Variants in ZNF568 observed in about 807,000 individuals in gnomAD.
ZNF568 encodes the protein p53 inhibitor of SCO2 activation.
Under a neutral mutation model 18.1 loss-of-function variants are expected in ZNF568, and 11 were observed. The observed-to-expected ratio is 0.61, with a 90% CI of 0.38 to 1.00. The LOEUF (loss-of-function observed/expected upper bound fraction) is 1.00, where lower values mean the gene tolerates loss of function less well. Among genes scored for constraint, ZNF568 ranks in the 50% least tolerant of loss-of-function variants. The pLI is 0.01. For missense variants in ZNF568, 639 were observed against 768.2 expected, an observed-to-expected ratio of 0.83 and a Z score of 1.99; for synonymous variants, 213 against 246.6, an observed-to-expected ratio of 0.86 and a Z score of 1.28.
At chr19:36,955,378 A>T (rs904122638), downstream of ZNF568, among the ~76,000 whole-genome samples, 7 of 62,864 alleles carry the variant, frequency 1.1e-4, no homozygotes, top group Non-Finnish European at 1.8e-4. Flanking sequence ...GGACAACCTT[A>T]GATTTCTCTT....
downstream of ZNF568, among the ~76,000 whole-genome samples, chr19:36,957,010 A>G (rs1317731497): frequency 6.6e-6 from 1 of 152,200 alleles, no homozygotes; most frequent in Non-Finnish European, 1.5e-5. Context: ...ACCAAAAAAC[A>G]TAATAAGAGC....
chr19:36,987,950 T>C (rs979081834), intron 2 of ZNF568, among the ~76,000 whole-genome samples: 5 of 152,014 alleles, frequency 3.3e-5, no homozygotes, highest in Admixed American at 1.3e-4. Flanking sequence ...AATTCTCTTA[T>C]CCAAAAATAT....
chr19:36,974,297 T>A, intron 6 of ZNF568: 1 of 742,032 alleles, frequency 1.3e-6, no homozygotes, highest in African/African-American at 1.8e-5. Flanking sequence ...CAGAGAGCGG[T>A]GGCGTTGCAG....
Position 36,950,871 on chromosome 19 carries a change from T to TC in ZNF568, c.1719dup (p.Thr574HisfsTer14). 6.2e-7 allele frequency: 1 copy of TC among 1,613,570 alleles called. No homozygotes were observed. Among genetic ancestry groups the TC allele is most frequent in the Non-Finnish European group, 8.5e-7 (1 of 1,179,790 alleles). ...AAAGCCTTCTCTCGAATCTCATCCC[T>TC]CACTCTTCATGTGAGAAGTCACACA... On this transcript the variant is annotated frameshift_variant, in exon 7 of 7. Coordinates refer to ENST00000333987, the MANE Select transcript of ZNF568 (RefSeq NM_198539.4). LOFTEE classifies it low-confidence loss of function (END_TRUNC).
intron 4 of ZNF568, among the ~76,000 whole-genome samples, chr19:36,927,862 ATATATATATATATATATATATATAT>A (rs1568381225): frequency 0.028 from 1,231 of 44,414 alleles, 54 homozygotes; most frequent in Middle Eastern, 0.095. Context: ...GTGTGTGTGT[ATATATATATATATATATATATATAT>A]TATATATATA....
chr19:36,947,266 G>A (rs549868636), intron 6 of ZNF568, among the ~76,000 whole-genome samples: 10 of 152,140 alleles, frequency 6.6e-5, no homozygotes, highest in South Asian at 6.2e-4. Context: ...CACCTGCCTC[G>A]GCCTCCCAAA....
chr19:36,980,673 T>G (rs1460733210), downstream of ZNF568, among the ~76,000 whole-genome samples: 1 of 152,194 alleles, frequency 6.6e-6, no homozygotes, highest in Non-Finnish European at 1.5e-5. Context: ...TTGGGTTGTA[T>G]TACCCTCCCA....
chr19:36,920,087 C>T (rs1291775396), intron 2 of ZNF568, among the ~76,000 whole-genome samples: 1 of 152,066 alleles, frequency 6.6e-6, no homozygotes, highest in East Asian at 1.9e-4. Flanking sequence ...GTGTTATTGT[C>T]CCTGAAGATC....
intron 2 of ZNF568, among the ~76,000 whole-genome samples, chr19:36,918,199 C>T (rs1195878343): frequency 6.6e-6 from 1 of 152,218 alleles, no homozygotes; most frequent in Non-Finnish European, 1.5e-5. Context: ...CGACCTCAGC[C>T]TCCCAAAGTG....
At chr19:36,944,528 T>TG (rs1482608597) in intron 6 of ZNF568, among the ~76,000 whole-genome samples, 6 of 152,216 alleles carry the variant, frequency 3.9e-5, no homozygotes, top group African/African-American at 7.2e-5. Context: ...GTTTATTTCC[T>TG]TAATTCATAT....
chr19:36,967,272 A>C (rs768527248), intron 6 of ZNF568, among the ~76,000 whole-genome samples: 8 of 152,116 alleles, frequency 5.3e-5, no homozygotes, highest in Non-Finnish European at 1.0e-4. Flanking sequence ...AATTCTGTTT[A>C]AATTCCTTTG....
rs1420269294 is a variant in ZNF568, at chr19:36,927,880, ATATATAT to A, written c.135+2630_135+2636del. 1.4e-3 allele frequency among the ~76,000 whole-genome samples: 79 copies of A among 54,776 alleles called. 1 individual carries two copies. The highest frequency in any genetic ancestry group is 4.2e-3 in the African/African-American group (38 of 9,006). The allele number at this position is 54,776 out of a possible 152,430, so 35.9% of individuals were successfully genotyped here. Reference sequence around the variant, plus strand: ...TGTGTGTATATATATATATATATATATATATATTATATATATATATATATTTTTTTTT... The same window carrying A: ...TGTGTGTATATATATATATATATATATATATATATATATATATTTTTTTTT... On this transcript the variant is annotated intron_variant, in intron 4 of 6. Coordinates refer to ENST00000333987, the MANE Select transcript of ZNF568 (RefSeq NM_198539.4).
intron 7 of ZNF568, among the ~76,000 whole-genome samples, chr19:36,976,154 A>G (rs1423591264): frequency 6.6e-6 from 1 of 152,188 alleles, no homozygotes; most frequent in African/African-American, 2.4e-5. Flanking sequence ...AAGTCACCCC[A>G]TCCGTGGTCC....
At chr19:36,979,205 A>T in exon 8 of ZNF568, 1 of 186,184 alleles carries the variant, frequency 5.4e-6, no homozygotes. Context: ...CTGGTCTCAA[A>T]CTCCCGACCT....
chr19:36,942,749 T>C (rs2073904922), intron 6 of ZNF568, among the ~76,000 whole-genome samples: 1 of 152,192 alleles, frequency 6.6e-6, no homozygotes, highest in Non-Finnish European at 1.5e-5. Flanking sequence ...GTTTTTTTGC[T>C]GAACTACTTT....
rs2074059654 is a variant in ZNF568, at chr19:36,951,553, A to ACAT, written c.*469_*471dup. 1 of 152,372 alleles carries ACAT rather than the reference A, an allele frequency of 6.6e-6. No individual in the cohort carries two copies. The highest frequency in any genetic ancestry group is 2.1e-4 in the South Asian group (1 of 4,832). 9.4% of individuals were successfully genotyped at this position (152,372 alleles called of 1,614,324 possible). A position where few individuals can be genotyped will look rare whatever the true frequency, so the allele number is the denominator to read the frequency against. On this transcript the variant is annotated 3_prime_UTR_variant, in exon 7 of 7. Transcript: ENST00000333987. Reference sequence around the variant, plus strand: ...GTGAACTCAGTGTATGTTAGACCTGACATCATGAATTAGTAGGGAAATGAT... The same window carrying ACAT: ...GTGAACTCAGTGTATGTTAGACCTGACATCATCATGAATTAGTAGGGAAATGAT...
intron 6 of ZNF568, among the ~76,000 whole-genome samples, chr19:36,940,145 CTTCATGCTATATCTGTG>C (rs897983753): frequency 6.6e-6 from 1 of 152,128 alleles, no homozygotes; most frequent in Non-Finnish European, 1.5e-5. Flanking sequence ...CTCAGAGTAC[CTTCATGCTATATCTGTG>C]TTCATGCTAT....
chr19:36,991,484 C>T, intron 3 of ZNF568: 1 of 801,130 alleles, frequency 1.2e-6, no homozygotes, highest in Non-Finnish European at 1.8e-6. Flanking sequence ...GCTGTTCCAG[C>T]AGGCACCTTT....
chr19:36,953,174 C>T (rs2074081394), downstream of ZNF568, among the ~76,000 whole-genome samples: 1 of 152,134 alleles, frequency 6.6e-6, no homozygotes, highest in African/African-American at 2.4e-5. Context: ...AGGTTCATAG[C>T]TAACTAATTA....
Sources: gnomAD v4.1 joint callset for allele counts (sites outside exome capture counted in the v4.1 genomes callset) on GRCh38, gnomAD v4.1.1 for gene constraint, MANE v1.5 for transcripts, NCBI Gene and HGNC (gene_info 2026-07-23, HGNC 2026-07-21) for gene names.